ZNF678: variants seen among roughly 807,000 people sequenced by gnomAD.
ZNF678 encodes the protein zinc finger protein 678.
ZNF678 carries 5 observed loss-of-function variants against 3.0 expected under a neutral mutation model. The ratio of observed to expected loss-of-function variants is 1.69; its 90% CI spans 0.88 to 3.56. ZNF678 has a LOEUF of 3.56. Ranked by LOEUF, ZNF678 falls within the 30% of genes most tolerant of loss-of-function variation. The probability of loss-of-function intolerance (pLI) is 0.00; values close to 1 mark genes in which losing one functional copy is unlikely to be tolerated. For missense variants in ZNF678, 593 were observed against 605.0 expected (o/e 0.98, Z 0.21); for synonymous variants, 218 against 199.6 (o/e 1.09, Z -0.78).
chr1:227,592,146 G>A (rs1468565976), intron 1 of ZNF678, among the ~76,000 whole-genome samples: 1 of 152,206 alleles, frequency 6.6e-6, no homozygotes, highest in Non-Finnish European at 1.5e-5. Flanking sequence ...CTCTGATACC[G>A]GGAGCAAGGT....
chr1:227,667,560 A>C (rs1216841963), intron 5 of ZNF678, among the ~76,000 whole-genome samples: 1 of 152,284 alleles, frequency 6.6e-6, no homozygotes, highest in Non-Finnish European at 1.5e-5. Flanking sequence ...GCTTCTATTA[A>C]TCTCCTCTCC....
At position 227,643,166 on chromosome 1, in the gene ZNF678, T is replaced by G. The variant is rs201299897; in HGVS notation, c.-163-3378T>G. Among the ~76,000 whole-genome samples, 338 of 151,570 alleles carry G rather than the reference T, an allele frequency of 2.2e-3. 1 individual carries two copies. Among genetic ancestry groups the G allele is most frequent in the Non-Finnish European group, 3.3e-3 (227 of 67,838 alleles). On this transcript the variant is annotated intron_variant, in intron 1 of 3. Transcript: ENST00000343776. ...CATTCCTGAACAGAATTATTAGTAG[T>G]AGGAGGAGGAGGAGGAGGAGGAGTT... is the stretch of plus-strand genomic sequence containing the variant.
chr1:227,634,855 G>C (rs1296586938), intron 1 of ZNF678, among the ~76,000 whole-genome samples: 1 of 152,128 alleles, frequency 6.6e-6, no homozygotes, highest in Non-Finnish European at 1.5e-5. Flanking sequence ...AGAACCCCAG[G>C]GCTTTGAGAA....
Position 227,620,371 on chromosome 1 carries a change from T to TTG in ZNF678, c.-163-26159_-163-26158dup, listed in dbSNP as rs371058316. On this transcript the variant is annotated intron_variant, in intron 1 of 3. Transcript: ENST00000343776. ...TCCACTTACATTGTGCTGAAAAAGT[T>TTG]TGTGTGTGTGTGTGTTGCCTTCGTC... Among the ~76,000 whole-genome samples the TTG allele has an allele frequency of 2.8e-4, 42 of 151,952 alleles. 1 individual carries two copies. The South Asian group carries it at 5.4e-3, about 20-fold the overall frequency.
At chr1:227,616,866 T>G (rs1181013686) in intron 1 of ZNF678, among the ~76,000 whole-genome samples, 1 of 152,190 alleles carries the variant, frequency 6.6e-6, no homozygotes, top group African/African-American at 2.4e-5. Flanking sequence ...CTTGAAGAGA[T>G]AAAGTGGTTT....
rs1659417699 is a variant in ZNF678, at chr1:227,661,973, G to C, written c.*6145G>C. 6.6e-6 allele frequency: 1 copy of C among 152,250 alleles called. No homozygotes were observed. The highest frequency in any genetic ancestry group is 1.5e-5 in the Non-Finnish European group (1 of 68,094). The allele number at this position is 152,250 out of a possible 1,614,324, so 9.4% of individuals were successfully genotyped here. A position where few individuals can be genotyped will look rare whatever the true frequency, so the allele number is the denominator to read the frequency against. ...AAGGAGGGAACTACAGTCAGTAACA[G>C]CAGCATGAGCCTCAGGTGCTTTGGG... On this transcript the variant is annotated 3_prime_UTR_variant, in exon 4 of 4. Coordinates refer to ENST00000343776, the MANE Select transcript of ZNF678 (RefSeq NM_001367909.1).
chr1:227,579,707 C>T (rs567598503), intron 1 of ZNF678, among the ~76,000 whole-genome samples: 8 of 152,196 alleles, frequency 5.3e-5, no homozygotes, highest in African/African-American at 1.9e-4. Flanking sequence ...CCAGGACACC[C>T]AAGACTGCCC....
At chr1:227,626,800 G>A (rs1364664085) in intron 1 of ZNF678, among the ~76,000 whole-genome samples, 2 of 151,984 alleles carry the variant, frequency 1.3e-5, no homozygotes, top group African/African-American at 2.4e-5. Flanking sequence ...GATATTGTAT[G>A]TCTAATGTCT....
intron 1 of ZNF678, among the ~76,000 whole-genome samples, chr1:227,572,257 T>A (rs1656865759): frequency 6.6e-6 from 1 of 152,270 alleles, no homozygotes. Context: ...GAGGACCATT[T>A]CTTGTTGACA....
intron 1 of ZNF678, among the ~76,000 whole-genome samples, chr1:227,591,548 C>G (rs1199736417): frequency 6.6e-6 from 1 of 152,078 alleles, no homozygotes; most frequent in Non-Finnish European, 1.5e-5. Context: ...TTTAAGGTGA[C>G]TTGTTTGGGC....
chr1:227,642,700 A>T (rs1247475031), intron 1 of ZNF678, among the ~76,000 whole-genome samples: 1 of 151,622 alleles, frequency 6.6e-6, no homozygotes, highest in South Asian at 2.1e-4. Flanking sequence ...AGCATCCGAG[A>T]TTCTGTGAGA....
At chr1:227,643,843 ATTTT>A (rs1658884756) in intron 1 of ZNF678, among the ~76,000 whole-genome samples, 1 of 136,262 alleles carries the variant, frequency 7.3e-6, no homozygotes, top group Admixed American at 7.3e-5. Context: ...TATTTTATAT[ATTTT>A]CTTTTCTTTT....
chr1:227,625,896 C>T (rs1247302731), intron 1 of ZNF678, among the ~76,000 whole-genome samples: 2 of 152,120 alleles, frequency 1.3e-5, no homozygotes, highest in African/African-American at 4.8e-5. Context: ...GGATTATTTT[C>T]CCTGTCCAAT....
At chr1:227,579,848 C>G (rs947004743) in intron 1 of ZNF678, among the ~76,000 whole-genome samples, 1 of 152,162 alleles carries the variant, frequency 6.6e-6, no homozygotes, top group Non-Finnish European at 1.5e-5. Context: ...CCCTGGGCTG[C>G]TAAAGTCTCC....
chr1:227,652,053 A>T (rs1427709467), intron 3 of ZNF678, among the ~76,000 whole-genome samples: 1 of 152,194 alleles, frequency 6.6e-6, no homozygotes, highest in African/African-American at 2.4e-5. Context: ...TAATAAACAT[A>T]TATATTTGGG....
intron 1 of ZNF678, among the ~76,000 whole-genome samples, chr1:227,625,243 C>G (rs571552703): frequency 2.0e-5 from 3 of 152,096 alleles, no homozygotes; most frequent in Non-Finnish European, 2.9e-5. Context: ...AATTCTTCGT[C>G]GGCCTAGGAA....
chr1:227,646,421 A>G, intron 1 of ZNF678, 123 bp from the exon 2 acceptor site: 1 of 933,658 alleles, frequency 1.1e-6, no homozygotes, highest in African/African-American at 1.7e-5. Context: ...TGTGTTTTAA[A>G]CAATGTCTTA....
At chr1:227,600,232 CTA>C (rs2102748826) in intron 1 of ZNF678, among the ~76,000 whole-genome samples, 1 of 152,234 alleles carries the variant, frequency 6.6e-6, no homozygotes, top group Non-Finnish European at 1.5e-5. Context: ...TAGGTTGATT[CTA>C]TGTCTTTGCT....
At chr1:227,615,127 A>G (rs932365806) in intron 1 of ZNF678, among the ~76,000 whole-genome samples, 20 of 152,194 alleles carry the variant, frequency 1.3e-4, no homozygotes, top group African/African-American at 4.8e-4. Context: ...TTGTGAGAAA[A>G]GGTCTGACTG....
Sources: allele counts gnomAD v4.1 joint callset (sites outside exome capture counted in the v4.1 genomes callset), GRCh38; gene constraint gnomAD v4.1.1; transcripts MANE v1.5; gene names NCBI Gene and HGNC (gene_info 2026-07-23, HGNC 2026-07-21).